Variants in LSM2 observed in about 807,000 individuals in gnomAD.
The protein encoded by LSM2 is U6 snRNA-associated Sm-like protein LSm2.
LSM2 carries 12 observed loss-of-function variants against 17.0 expected under a neutral mutation model. The observed-to-expected ratio is 0.70, with a 90% CI of 0.45 to 1.14. The LOEUF (loss-of-function observed/expected upper bound fraction) is 1.14, where lower values mean the gene tolerates loss of function less well. Ranked by LOEUF, LSM2 falls within the 50% of genes most tolerant of loss-of-function variation. LSM2 has a pLI of 0.00. For missense variants in LSM2, 62 were observed against 111.8 expected (o/e 0.55, Z 2.01); for synonymous variants, 42 against 44.5 (o/e 0.94, Z 0.22).
intron 2 of LSM2, among the ~76,000 whole-genome samples, chr6:31,802,687 C>T (rs1193405533): frequency 1.3e-5 from 2 of 151,812 alleles, no homozygotes; most frequent in Non-Finnish European, 2.9e-5. Context: ...CTGGGGTGGG[C>T]AGATCACGAG....
chr6:31,800,362 C>T (rs969456124), intron 2 of LSM2, among the ~76,000 whole-genome samples: 8 of 151,882 alleles, frequency 5.3e-5, no homozygotes, highest in South Asian at 4.2e-4. Context: ...TAAAAATAAT[C>T]GTAATAAATA....
At chr6:31,806,198 T>C (rs17201171) in intron 1 of LSM2, 56 bp from the exon 2 acceptor site, 34,651 of 1,537,404 alleles carry the variant, frequency 0.023, 543 homozygotes, top group African/African-American at 0.048. Flanking sequence ...TAGGGAGGAG[T>C]GTCCTTTGAC....
In LSM2 at chr6:31,806,845, C is replaced by T. The variant is rs1293988710; in HGVS notation, c.-88G>A. The stretch of plus-strand genomic sequence containing the variant: ...GGGGAAACCGAAGCGCGAGCCCGCG[C>T]GTGGGGCGAGGCGGGACCGCGCAGG... On this transcript the variant is annotated 5_prime_UTR_variant, in exon 1 of 5. Transcript: ENST00000375661. 2 of 1,491,606 alleles carry T rather than the reference C, an allele frequency of 1.3e-6. No homozygotes were observed. Among genetic ancestry groups the T allele is most frequent in the East Asian group, 4.8e-5 (2 of 41,614 alleles). The allele number at this position is 1,491,606 out of a possible 1,614,324, so 92.4% of individuals were successfully genotyped here. A position where few individuals can be genotyped will look rare whatever the true frequency, so the allele number is the denominator to read the frequency against.
intron 2 of LSM2, among the ~76,000 whole-genome samples, chr6:31,803,481 T>C (rs1186719285): frequency 6.8e-6 from 1 of 146,654 alleles, no homozygotes; most frequent in Admixed American, 6.8e-5. Context: ...GAGACCCCCA[T>C]CTCAAAAAAA....
At chr6:31,802,323 G>A (rs765062668) in intron 2 of LSM2, among the ~76,000 whole-genome samples, 27 of 151,840 alleles carry the variant, frequency 1.8e-4, no homozygotes, top group African/African-American at 4.4e-4. Flanking sequence ...AAGGCTGGGC[G>A]CAGTGGCTCA....
Position 31,797,600 on chromosome 6 carries a change from T to C in LSM2, c.*157A>G, listed in dbSNP as rs138201316. 2.9e-6 allele frequency: 3 copies of C among 1,035,566 alleles called. No individual in the cohort carries two copies. The highest frequency in any genetic ancestry group is 2.4e-5 in the East Asian group (1 of 42,014). The allele number at this position is 1,035,566 out of a possible 1,614,324, so 64.1% of individuals were successfully genotyped here. A position where few individuals can be genotyped will look rare whatever the true frequency, so the allele number is the denominator to read the frequency against. On this transcript the variant is annotated 3_prime_UTR_variant, in exon 5 of 5. Coordinates refer to ENST00000375661, the MANE Select transcript of LSM2 (RefSeq NM_021177.5). Reference sequence around the variant, plus strand: ...TCAAGAGAGGATAGCTGTTCCCTATTACTCCTCTCATCCACTCATCCCTTA... The same window carrying C: ...TCAAGAGAGGATAGCTGTTCCCTATCACTCCTCTCATCCACTCATCCCTTA...
chr6:31,798,102 C>T (rs1581673010), intron 3 of LSM2, 53 bp from the exon 4 acceptor site: 3 of 1,393,988 alleles, frequency 2.2e-6, no homozygotes, highest in Non-Finnish European at 2.9e-6. Context: ...TTTTTTGAGA[C>T]AAGAGTTTTG....
chr6:31,805,579 G>GA (rs1814985748), intron 2 of LSM2, among the ~76,000 whole-genome samples: 1 of 151,722 alleles, frequency 6.6e-6, no homozygotes, highest in African/African-American at 2.4e-5. Context: ...TGACCGGGCT[G>GA]GTCTTGAACT....
intron 2 of LSM2, 102 bp downstream of exon 2, chr6:31,805,973 C>T: frequency 3.0e-6 from 3 of 1,012,108 alleles, no homozygotes; most frequent in South Asian, 1.4e-5. Context: ...TTCTTCTGTA[C>T]ATCTTCCACC....
intron 2 of LSM2, among the ~76,000 whole-genome samples, chr6:31,805,368 ACTTT>A (rs1814968320): frequency 1.7e-5 from 1 of 58,916 alleles, no homozygotes; most frequent in Admixed American, 2.5e-4. Flanking sequence ...CCTAGTACTT[ACTTT>A]TTTTTTTTTT....
At position 31,806,776 on chromosome 6, in the gene LSM2, A is replaced by AGCGCC; in HGVS notation, c.-20_-19insGGCGC. On this transcript the variant is annotated 5_prime_UTR_variant, in exon 1 of 5. Transcript: ENST00000375661. ...CCACCATGGTGCTGGCGCCGCGGGC[A>AGCGCC]GCGGGCCGGACCGGGAAGACAGCAG... 1 of 1,609,330 alleles carries AGCGCC rather than the reference A, an allele frequency of 6.2e-7. No homozygotes were observed. Among genetic ancestry groups the AGCGCC allele is most frequent in the Non-Finnish European group, 8.5e-7 (1 of 1,178,614 alleles).
chr6:31,797,837 C>CGT lies in LSM2; in HGVS notation c.206_207dup (p.Val70ThrfsTer43). The CGT allele has an allele frequency of 6.2e-7, 1 of 1,612,954 alleles. No individual in the cohort carries two copies. Among genetic ancestry groups the CGT allele is most frequent in the Non-Finnish European group, 8.5e-7 (1 of 1,180,020 alleles). On this transcript the variant is annotated frameshift_variant, in exon 5 of 5. Transcript: ENST00000375661. LOFTEE classifies it high-confidence loss of function. ...TCGACCTCATCTGCTGGCAGCTGCA[C>CGT]GTATCGGACCACTGAGCCCCGAATG...
intron 2 of LSM2, among the ~76,000 whole-genome samples, chr6:31,799,100 A>G (rs1313493666): frequency 2.0e-5 from 3 of 152,164 alleles, no homozygotes; most frequent in Non-Finnish European, 4.4e-5. Context: ...TATTCTATAT[A>G]GTATTTGTAA....
chr6:31,801,273 G>A (rs912983831), intron 2 of LSM2, among the ~76,000 whole-genome samples: 11 of 151,320 alleles, frequency 7.3e-5, no homozygotes, highest in African/African-American at 2.7e-4. Flanking sequence ...GACAGAGGGT[G>A]AGTCTCTGCC....
At chr6:31,798,534 T>A (rs753803609) in intron 2 of LSM2, 27 bp from the exon 3 acceptor site, 1 of 1,612,088 alleles carries the variant, frequency 6.2e-7, no homozygotes, top group East Asian at 2.2e-5. Context: ...GAGAGAAGAA[T>A]CAAATTAGTT....
In LSM2 at chr6:31,806,147, T is replaced by C; in HGVS notation, c.4-5A>G. On this transcript the variant is annotated splice_region_variant and splice_polypyrimidine_tract_variant and intron_variant, in intron 1 of 4. Transcript: ENST00000375661. The stretch of plus-strand genomic sequence containing the variant: ...CTTGAAAAAAGAATAGAAGAGCTAT[T>C]GGGAGAGAGGGGGAAAACCATCATG... 1 of 1,612,726 alleles carries C rather than the reference T, an allele frequency of 6.2e-7. No individual in the cohort carries two copies. The highest frequency in any genetic ancestry group is 1.1e-5 in the South Asian group (1 of 91,042).
At position 31,797,570 on chromosome 6, in the gene LSM2, C is replaced by T; in HGVS notation, c.*187G>A. 2.6e-6 allele frequency: 2 copies of T among 778,896 alleles called. No individual in the cohort carries two copies. The highest frequency in any genetic ancestry group is 4.0e-6 in the Non-Finnish European group (2 of 496,176). The allele number at this position is 778,896 out of a possible 1,614,324, so 48.2% of individuals were successfully genotyped here. A position where few individuals can be genotyped will look rare whatever the true frequency, so the allele number is the denominator to read the frequency against. On this transcript the variant is annotated 3_prime_UTR_variant, in exon 5 of 5. Coordinates refer to ENST00000375661, the MANE Select transcript of LSM2 (RefSeq NM_021177.5). ...AAGTTTCCCAGCCTACTTATCCTCC[C>T]CTTCTCAAGAGAGGATAGCTGTTCC...
intron 2 of LSM2, among the ~76,000 whole-genome samples, chr6:31,800,609 C>T (rs1366336857): frequency 1.3e-5 from 2 of 152,014 alleles, no homozygotes; most frequent in Non-Finnish European, 2.9e-5. Flanking sequence ...AAAAATTGGC[C>T]GGGCGTGGTG....
intron 1 of LSM2, chr6:31,806,539 G>T (rs1459153643): frequency 2.9e-6 from 2 of 692,934 alleles, no homozygotes; most frequent in African/African-American, 1.8e-5. Flanking sequence ...TATCCTCACT[G>T]AATCTCTCTC....
Sources: allele counts gnomAD v4.1 joint callset (sites outside exome capture counted in the v4.1 genomes callset), GRCh38; gene constraint gnomAD v4.1.1; transcripts MANE v1.5; gene names NCBI Gene and HGNC (gene_info 2026-07-23, HGNC 2026-07-21).